The following ETNK1 variants were observed in gnomAD, a reference collection of about 807,000 sequenced individuals.
The protein encoded by ETNK1 is putative protein product of Nbla10396.
Under a neutral mutation model 45.1 loss-of-function variants are expected in ETNK1, and 8 were observed. That is an observed-to-expected ratio of 0.18 (90% CI 0.10 to 0.32). ETNK1 has a LOEUF of 0.32. Ranked by LOEUF, ETNK1 falls within the 10% of genes least tolerant of loss-of-function variation. The probability of loss-of-function intolerance (pLI) is 1.00; values close to 1 mark genes in which losing one functional copy is unlikely to be tolerated. For synonymous variants in ETNK1, 152 were observed against 151.9 expected (o/e 1.00, Z -0.01); for missense variants, 302 against 430.6 (o/e 0.70, Z 2.64).
chr12:22,639,776 T>A (rs1266278102), intron 1 of ETNK1, among the ~76,000 whole-genome samples: 1 of 152,190 alleles, frequency 6.6e-6, no homozygotes, highest in African/African-American at 2.4e-5. Context: ...CATGTCAGGT[T>A]GTTTCGTGAA....
intron 4 of ETNK1, among the ~76,000 whole-genome samples, chr12:22,664,999 A>T (rs188374354): frequency 2.0e-5 from 3 of 152,148 alleles, no homozygotes; most frequent in Admixed American, 1.3e-4. Flanking sequence ...ATGTCTCTAC[A>T]TATATGTTTA....
chr12:22,646,528 G>T (rs529969526), intron 2 of ETNK1, among the ~76,000 whole-genome samples: 5 of 151,754 alleles, frequency 3.3e-5, no homozygotes, highest in African/African-American at 9.7e-5. Flanking sequence ...ACAATTTGGG[G>T]TTAGTTGTCA....
intron 2 of ETNK1, among the ~76,000 whole-genome samples, chr12:22,647,345 G>C (rs1953819606): frequency 6.6e-6 from 1 of 151,904 alleles, no homozygotes; most frequent in Non-Finnish European, 1.5e-5. Flanking sequence ...GGGTACCGTA[G>C]TGGAACTGGC....
intron 1 of ETNK1, among the ~76,000 whole-genome samples, chr12:22,634,631 G>A (rs1052097727): frequency 2.0e-5 from 3 of 152,168 alleles, no homozygotes; most frequent in Admixed American, 6.5e-5. Flanking sequence ...GTCTCACTCT[G>A]TTGCCCAGGA....
chr12:22,640,513 T>A (rs1953722428), intron 1 of ETNK1, among the ~76,000 whole-genome samples: 1 of 152,114 alleles, frequency 6.6e-6, no homozygotes, highest in African/African-American at 2.4e-5. Context: ...TTTTTAAATA[T>A]TGTTTTAACA....
chr12:22,635,446 C>T (rs7296836), intron 1 of ETNK1, among the ~76,000 whole-genome samples: 8,939 of 152,212 alleles, frequency 0.059, 835 homozygotes, highest in African/African-American at 0.2. Context: ...GTAAGTAAAG[C>T]GTTGTTCCAT....
rs1388334987 is a variant in ETNK1 at position 22,689,465 on chromosome 12, T to C, written c.*4511T>C. On this transcript the variant is annotated 3_prime_UTR_variant, in exon 8 of 8. Transcript: ENST00000266517. ...GCTTTCTAAAATACTCTTAATCCCA[T>C]TGTTTTGGTTAACATCTTACCCATT... 1 of 152,028 alleles carries C rather than the reference T, an allele frequency of 6.6e-6. No individual in the cohort carries two copies. The highest frequency in any genetic ancestry group is 1.5e-5 in the Non-Finnish European group (1 of 67,876). 9.4% of individuals were successfully genotyped at this position (152,028 alleles called of 1,614,324 possible). A position where few individuals can be genotyped will look rare whatever the true frequency, so the allele number is the denominator to read the frequency against.
At chr12:22,684,410 A>G (rs982053510) in intron 6 of ETNK1, 73 bp from the exon 7 acceptor site, 2 of 1,008,548 alleles carry the variant, frequency 2.0e-6, no homozygotes, top group African/African-American at 3.2e-5. Flanking sequence ...TAGAGGATAG[A>G]ATTAGCAATT....
intron 4 of ETNK1, among the ~76,000 whole-genome samples, chr12:22,664,252 TATA>T (rs1286604535): frequency 5.3e-5 from 8 of 151,990 alleles, no homozygotes; most frequent in Admixed American, 1.3e-4. Flanking sequence ...ATGCAAATAA[TATA>T]ATATGCATAT....
chr12:22,625,354 C>A lies in ETNK1; in HGVS notation c.-77C>A. The A allele has an allele frequency of 1.3e-6, 2 of 1,561,724 alleles. No individual in the cohort carries two copies. The highest frequency in any genetic ancestry group is 2.3e-5 in the South Asian group (2 of 86,278). On this transcript the variant is annotated 5_prime_UTR_variant, in exon 1 of 8. Coordinates refer to ENST00000266517, the MANE Select transcript of ETNK1 (RefSeq NM_018638.5). ...GGGCGCCCCGGGACGGAAGGATCCA[C>A]CAGTCTGTCGGCGCCCGCCGTTCTC... is the stretch of plus-strand genomic sequence containing the variant.
intron 2 of ETNK1, among the ~76,000 whole-genome samples, chr12:22,646,634 A>G (rs1464892887): frequency 6.6e-6 from 1 of 151,916 alleles, no homozygotes; most frequent in Middle Eastern, 3.2e-3. Context: ...ATATGCATGC[A>G]GTGATCTGGA....
At position 22,648,685 on chromosome 12, in the gene ETNK1, G is replaced by A. The variant is rs971931991; in HGVS notation, c.416+4663G>A. Among the ~76,000 whole-genome samples the A allele has an allele frequency of 3.3e-5, 5 of 152,176 alleles. No individual in the cohort carries two copies. The East Asian group carries it at 9.6e-4, about 29-fold the overall frequency. On this transcript the variant is annotated intron_variant, in intron 2 of 7. Coordinates refer to ENST00000266517, the MANE Select transcript of ETNK1 (RefSeq NM_018638.5). ...GAATTAAGCTGCTATAAGAATCCCT[G>A]TGCAAATTTTAATGTAGACATACAA...
chr12:22,651,250 A>G (rs1368249955), intron 2 of ETNK1, among the ~76,000 whole-genome samples: 1 of 152,200 alleles, frequency 6.6e-6, no homozygotes, highest in Non-Finnish European at 1.5e-5. Context: ...ATCTTTTATT[A>G]TGCAGATGGT....
intron 5 of ETNK1, among the ~76,000 whole-genome samples, chr12:22,673,151 C>G (rs1954127193): frequency 6.6e-6 from 1 of 152,032 alleles, no homozygotes; most frequent in South Asian, 2.1e-4. Flanking sequence ...TATAGCCACA[C>G]TTTGAGGTAG....
Position 22,673,485 on chromosome 12 carries a change from T to C in ETNK1, c.785-15T>C. 4.5e-6 allele frequency: 7 copies of C among 1,548,694 alleles called. No homozygotes were observed. Among genetic ancestry groups the C allele is most frequent in the Non-Finnish European group, 6.1e-6 (7 of 1,143,576 alleles). ...TGTTTTAAAATTTTTGAGTGTAGTT[T>C]TTTTTCTTCTAAAGGTGTGAGTGAT... On this transcript the variant is annotated splice_polypyrimidine_tract_variant and intron_variant, in intron 5 of 7. Transcript: ENST00000266517.
At chr12:22,659,860 CT>C (rs1227101816) in intron 3 of ETNK1, among the ~76,000 whole-genome samples, 1 of 151,864 alleles carries the variant, frequency 6.6e-6, no homozygotes, top group African/African-American at 2.4e-5. Flanking sequence ...TGGAGGTGTG[CT>C]GTGGTAAATA....
At chr12:22,652,478 T>C (rs1411202308) in intron 2 of ETNK1, among the ~76,000 whole-genome samples, 2 of 152,226 alleles carry the variant, frequency 1.3e-5, no homozygotes, top group South Asian at 2.1e-4. Context: ...CCATCAACAG[T>C]GCACAAGGGC....
intron 6 of ETNK1, among the ~76,000 whole-genome samples, chr12:22,680,498 C>A (rs1000315564): frequency 2.0e-5 from 3 of 152,178 alleles, no homozygotes; most frequent in African/African-American, 7.2e-5. Context: ...CTAGCAGAGT[C>A]ATTTTGTGCG....
intron 2 of ETNK1, among the ~76,000 whole-genome samples, chr12:22,646,983 A>G (rs2137538677): frequency 6.6e-6 from 1 of 151,930 alleles, no homozygotes; most frequent in East Asian, 1.9e-4. Context: ...CACTGTGATC[A>G]CATTTGAACT....
Sources: allele counts gnomAD v4.1 joint callset (sites outside exome capture counted in the v4.1 genomes callset), GRCh38; gene constraint gnomAD v4.1.1; transcripts MANE v1.5; gene names NCBI Gene and HGNC (gene_info 2026-07-23, HGNC 2026-07-21).